BMPR1B: variants seen among roughly 807,000 people sequenced by gnomAD.
The protein encoded by BMPR1B is bone morphogenetic protein receptor type-1B.
A neutral mutation model predicts 59.1 loss-of-function variants in BMPR1B; 12 were observed. The ratio of observed to expected loss-of-function variants is 0.20; its 90% CI spans 0.13 to 0.33. The LOEUF (loss-of-function observed/expected upper bound fraction) is 0.33, where lower values mean the gene tolerates loss of function less well. BMPR1B is among the 10% of genes least tolerant of loss of function. BMPR1B has a pLI of 1.00. For synonymous variants in BMPR1B, 237 were observed against 207.3 expected (o/e 1.14, Z -1.23); for missense variants, 550 against 610.9 (o/e 0.90, Z 1.05).
chr4:94,965,046 G>A (rs1431959311), intron 2 of BMPR1B, among the ~76,000 whole-genome samples: 1 of 151,884 alleles, frequency 6.6e-6, no homozygotes, highest in Non-Finnish European at 1.5e-5. Flanking sequence ...TCACTTTATT[G>A]TCCACAGCAC....
At chr4:94,795,810 C>T (rs1157161191) in intron 1 of BMPR1B, among the ~76,000 whole-genome samples, 1 of 152,070 alleles carries the variant, frequency 6.6e-6, no homozygotes, top group African/African-American at 2.4e-5. Flanking sequence ...CCTGAGTACA[C>T]TAAAATGGAG....
chr4:95,025,244 C>T (rs1017042094), intron 3 of BMPR1B, among the ~76,000 whole-genome samples: 1 of 152,114 alleles, frequency 6.6e-6, no homozygotes, highest in Non-Finnish European at 1.5e-5. Flanking sequence ...AGAATCAGAT[C>T]GAGGCCAAAC....
intron 1 of BMPR1B, among the ~76,000 whole-genome samples, chr4:94,843,067 A>T (rs1280596804): frequency 6.6e-6 from 1 of 152,210 alleles, no homozygotes; most frequent in African/African-American, 2.4e-5. Context: ...TGTTTAAAAC[A>T]TATAATTGCA....
At position 95,130,965 on chromosome 4, in the gene BMPR1B, A is replaced by C. The variant is rs189279939; in HGVS notation, c.779-250A>C. Among the ~76,000 whole-genome samples, 651 of 151,572 alleles carry C rather than the reference A, an allele frequency of 4.3e-3. 3 individuals are homozygous for C. Among genetic ancestry groups the C allele is most frequent in the African/African-American group, 0.015 (622 of 41,416 alleles). Reference sequence around the variant, plus strand: ...GAGTGGTCTTGAACTCCTGACCTCAAGTGATCCACCCGCCATGGCCTCCCG... The same window carrying C: ...GAGTGGTCTTGAACTCCTGACCTCACGTGATCCACCCGCCATGGCCTCCCG... On this transcript the variant is annotated intron_variant, in intron 9 of 12. Coordinates refer to ENST00000515059, the MANE Select transcript of BMPR1B (RefSeq NM_001203.3).
At chr4:94,872,226 A>G (rs1726528397) in intron 1 of BMPR1B, among the ~76,000 whole-genome samples, 1 of 152,220 alleles carries the variant, frequency 6.6e-6, no homozygotes, top group Admixed American at 6.5e-5. Flanking sequence ...GCAAAGCCCT[A>G]GAGTATGGCT....
At chr4:95,004,725 T>C (rs1183946908) in intron 3 of BMPR1B, among the ~76,000 whole-genome samples, 2 of 152,206 alleles carry the variant, frequency 1.3e-5, no homozygotes, top group Admixed American at 1.3e-4. Context: ...AGTAGTAGTT[T>C]AGCTTACTAA....
chr4:95,025,256 A>G (rs994638850), intron 3 of BMPR1B, among the ~76,000 whole-genome samples: 1 of 152,170 alleles, frequency 6.6e-6, no homozygotes, highest in Non-Finnish European at 1.5e-5. Flanking sequence ...AGGCCAAACC[A>G]TGTCGTTCAC....
In BMPR1B at chr4:94,783,066, C is replaced by G. The variant is rs1301898058; in HGVS notation, c.-183+24998C>G. On this transcript the variant is annotated intron_variant, in intron 1 of 12. Coordinates refer to ENST00000515059, the MANE Select transcript of BMPR1B (RefSeq NM_001203.3). Reference sequence around the variant, plus strand: ...CAACCTTGGGCATGTCCACAGTTACCTTTGGATGAAAGGGTTTCTGTCTCT... The same window carrying G: ...CAACCTTGGGCATGTCCACAGTTACGTTTGGATGAAAGGGTTTCTGTCTCT... Among the ~76,000 whole-genome samples, 6 of 152,116 alleles carry G rather than the reference C, an allele frequency of 3.9e-5. No homozygotes were observed. The South Asian group carries it at 1.2e-3, about 31-fold the overall frequency.
intron 1 of BMPR1B, among the ~76,000 whole-genome samples, chr4:94,776,658 A>G (rs1722380107): frequency 6.6e-6 from 1 of 152,222 alleles, no homozygotes; most frequent in Non-Finnish European, 1.5e-5. Flanking sequence ...CAGAATTTAA[A>G]TTTTCTATTA....
At chr4:94,825,321 A>T (rs7668820) in intron 1 of BMPR1B, among the ~76,000 whole-genome samples, 3 of 151,758 alleles carry the variant, frequency 2.0e-5, no homozygotes, top group Non-Finnish European at 4.4e-5. Context: ...TGGGCAAGAA[A>T]GTGAGAGGTC....
chr4:94,887,176 A>G (rs1560532483), intron 2 of BMPR1B, among the ~76,000 whole-genome samples: 1 of 151,868 alleles, frequency 6.6e-6, no homozygotes, highest in Non-Finnish European at 1.5e-5. Flanking sequence ...CCCTACTACT[A>G]AAACAAATAA....
intron 2 of BMPR1B, among the ~76,000 whole-genome samples, chr4:94,914,462 G>C (rs538687048): frequency 6.6e-6 from 1 of 152,224 alleles, no homozygotes; most frequent in South Asian, 2.1e-4. Flanking sequence ...CTCTGAAAGT[G>C]AGTCACTTAG....
chr4:94,823,668 G>C (rs1238320519), intron 1 of BMPR1B, among the ~76,000 whole-genome samples: 1 of 152,074 alleles, frequency 6.6e-6, no homozygotes, highest in Admixed American at 6.6e-5. Context: ...TTTTCTGACT[G>C]AGATATGGAA....
chr4:95,137,309 G>A (rs1733870897), intron 10 of BMPR1B, among the ~76,000 whole-genome samples: 1 of 152,192 alleles, frequency 6.6e-6, no homozygotes, highest in South Asian at 2.1e-4. Context: ...TACATTTGCT[G>A]AAGAGTGCTT....
chr4:95,018,168 G>A (rs1723719141), intron 3 of BMPR1B, among the ~76,000 whole-genome samples: 1 of 152,088 alleles, frequency 6.6e-6, no homozygotes, highest in South Asian at 2.1e-4. Context: ...TTATGTACAT[G>A]CAACAGTCTT....
At chr4:94,929,792 A>G (rs746595064) in intron 2 of BMPR1B, among the ~76,000 whole-genome samples, 5 of 151,960 alleles carry the variant, frequency 3.3e-5, no homozygotes, top group Non-Finnish European at 7.4e-5. Context: ...TGATTTCTGC[A>G]CGTCTCCACT....
intron 2 of BMPR1B, among the ~76,000 whole-genome samples, chr4:94,994,349 T>C (rs1721929303): frequency 2.0e-5 from 3 of 152,234 alleles, no homozygotes; most frequent in Admixed American, 1.3e-4. Flanking sequence ...TGCCTTTGTC[T>C]TGATTGTGTT....
intron 3 of BMPR1B, among the ~76,000 whole-genome samples, chr4:95,097,087 A>G (rs1183801636): frequency 6.9e-6 from 1 of 143,946 alleles, no homozygotes; most frequent in East Asian, 2.0e-4. Context: ...AGTTATATAT[A>G]TTTACATATA....
chr4:94,948,892 T>C (rs1408586026), intron 2 of BMPR1B, among the ~76,000 whole-genome samples: 1 of 152,192 alleles, frequency 6.6e-6, no homozygotes, highest in African/African-American at 2.4e-5. Flanking sequence ...AGTGTGGGTG[T>C]TGCTTTCTAG....
Sources: allele counts gnomAD v4.1 joint callset (sites outside exome capture counted in the v4.1 genomes callset), GRCh38; gene constraint gnomAD v4.1.1; transcripts MANE v1.5; gene names NCBI Gene and HGNC (gene_info 2026-07-23, HGNC 2026-07-21).